The following CYP2C19 variants were observed in gnomAD, a reference collection of about 807,000 sequenced individuals.
CYP2C19 encodes the protein cytochrome P450 family 2 subfamily C member 19.
A neutral mutation model predicts 40.9 loss-of-function variants in CYP2C19; 59 were observed. The ratio of observed to expected loss-of-function variants is 1.44; its 90% CI spans 1.17 to 1.79. The LOEUF (loss-of-function observed/expected upper bound fraction) is 1.79, where lower values mean the gene tolerates loss of function less well. CYP2C19 is among the 40% of genes most tolerant of loss of function. The probability of loss-of-function intolerance (pLI) is 0.00; values close to 1 mark genes in which losing one functional copy is unlikely to be tolerated. For missense variants in CYP2C19, 754 were observed against 596.9 expected (o/e 1.26, Z -2.74); for synonymous variants, 253 against 208.7 (o/e 1.21, Z -1.83).
chr10:94,828,808 T>A (rs1849275736), intron 6 of CYP2C19, among the ~76,000 whole-genome samples: 1 of 152,162 alleles, frequency 6.6e-6, no homozygotes, highest in Non-Finnish European at 1.5e-5. Context: ...GTACCGGTTG[T>A]TCCTTTCCAT....
intron 6 of CYP2C19, among the ~76,000 whole-genome samples, chr10:94,824,412 A>T (rs936569414): frequency 1.3e-5 from 2 of 152,202 alleles, no homozygotes; most frequent in African/African-American, 4.8e-5. Context: ...TATTTTCAGA[A>T]GAAGCTGCTA....
At chr10:94,834,687 C>G (rs1266694332) in intron 6 of CYP2C19, among the ~76,000 whole-genome samples, 1 of 152,156 alleles carries the variant, frequency 6.6e-6, no homozygotes, top group Admixed American at 6.5e-5. Context: ...TTGTCCCTCC[C>G]ACTGTGCTTT....
intron 5 of CYP2C19, among the ~76,000 whole-genome samples, chr10:94,814,985 G>C (rs947670641): frequency 1.4e-5 from 2 of 138,586 alleles, no homozygotes; most frequent in African/African-American, 2.8e-5. Flanking sequence ...CTGTGAATCT[G>C]TTTCTGAGGG....
Position 94,820,599 on chromosome 10 carries a change from A to G in CYP2C19, c.923A>G (p.Tyr308Cys), listed in dbSNP as rs746722628. 8 of 1,614,202 alleles carry G rather than the reference A, an allele frequency of 5.0e-6. No homozygotes were observed. The highest frequency in any genetic ancestry group is 6.8e-6 in the Non-Finnish European group (8 of 1,180,040). The change falls in exon 6 of 9, where the codon TAT (tyrosine) becomes TGT (cysteine). Residue 308 changes from tyrosine to cysteine, a missense_variant. By Grantham distance (194) the Tyr-to-Cys change is radical. Coordinates refer to ENST00000371321, the MANE Select transcript of CYP2C19 (RefSeq NM_000769.4). ...GAGACAACAAGCACAACCCTGAGAT[A>G]TGCTCTCCTTCTCCTGCTGAAGCAC... ...GTETTSTTLR[Y>C]ALLLLLKHPE...
At chr10:94,848,216 A>T (rs572958564) in intron 7 of CYP2C19, among the ~76,000 whole-genome samples, 30 of 152,298 alleles carry the variant, frequency 2.0e-4, no homozygotes, top group Non-Finnish European at 3.7e-4. Context: ...TTTAGGTCTA[A>T]CATTTAAGTC....
At chr10:94,795,806 T>G (rs1321851607) in intron 5 of CYP2C19, among the ~76,000 whole-genome samples, 3 of 152,192 alleles carry the variant, frequency 2.0e-5, no homozygotes, top group African/African-American at 7.2e-5. Context: ...TGTCTTCTTT[T>G]GAGAAGTGTC....
In CYP2C19 at chr10:94,763,447, G is replaced by T. The variant is rs528461267; in HGVS notation, c.168+574G>T. Among the ~76,000 whole-genome samples, 76 of 152,182 alleles carry T rather than the reference G, an allele frequency of 5.0e-4. 1 individual carries two copies. In the South Asian group the frequency reaches 8.9e-3, roughly 18 times the overall value. On this transcript the variant is annotated intron_variant, in intron 1 of 8. Coordinates refer to ENST00000371321, the MANE Select transcript of CYP2C19 (RefSeq NM_000769.4). ...ATATAAACCCCAAAATGACCTTAGGGTTTAGTAATAGTAGAAAGAGGGTTA... is the reference window on the plus strand; with the variant it reads ...ATATAAACCCCAAAATGACCTTAGGTTTTAGTAATAGTAGAAAGAGGGTTA...
chr10:94,826,860 T>A (rs1252944973), intron 6 of CYP2C19, among the ~76,000 whole-genome samples: 1 of 152,174 alleles, frequency 6.6e-6, no homozygotes, highest in Non-Finnish European at 1.5e-5. Context: ...TGAGAGTTTT[T>A]AGCATGAAGG....
At chr10:94,793,321 G>A (rs1222336243) in intron 5 of CYP2C19, among the ~76,000 whole-genome samples, 2 of 152,084 alleles carry the variant, frequency 1.3e-5, no homozygotes, top group African/African-American at 2.4e-5. Flanking sequence ...GCTTGGAGAA[G>A]TTTGTTATTA....
chr10:94,778,913 C>T (rs1328154694), intron 3 of CYP2C19, among the ~76,000 whole-genome samples: 1 of 152,194 alleles, frequency 6.6e-6, no homozygotes, highest in Admixed American at 6.5e-5. Context: ...CACATATACA[C>T]TGTGGACTAC....
intron 5 of CYP2C19, among the ~76,000 whole-genome samples, chr10:94,802,776 C>T (rs1848784749): frequency 6.6e-6 from 1 of 152,050 alleles, no homozygotes; most frequent in African/African-American, 2.4e-5. Context: ...TAAGGCAGGC[C>T]TGGTGGTGAC....
rs115788154 is a variant in CYP2C19 at position 94,840,096 on chromosome 10, C to A, written c.962-2741C>A. 8.9e-3 allele frequency among the ~76,000 whole-genome samples: 1,347 copies of A among 152,124 alleles called. 21 individuals carry two copies. Among genetic ancestry groups the A allele is most frequent in the African/African-American group, 0.029 (1,223 of 41,498 alleles). The stretch of plus-strand genomic sequence containing the variant: ...TTAGTTAAGTAGTTGTTTCTACCGA[C>A]TGAATGCATTTGGCCCATCCGCGGG... On this transcript the variant is annotated intron_variant, in intron 6 of 8. Coordinates refer to ENST00000371321, the MANE Select transcript of CYP2C19 (RefSeq NM_000769.4).
chr10:94,781,312 T>C lies in CYP2C19; in HGVS notation c.643-509T>C, dbSNP rs1589349396. On this transcript the variant is annotated intron_variant, in intron 4 of 8. Coordinates refer to ENST00000371321, the MANE Select transcript of CYP2C19 (RefSeq NM_000769.4). ...TAATTGTATGATTTTACAGAAGTCA[T>C]TTAACTGCTCTGGTGCACAGTTGGA... is the stretch of plus-strand genomic sequence containing the variant. Among the ~76,000 whole-genome samples the C allele has an allele frequency of 2.6e-5, 4 of 152,162 alleles. No individual in the cohort carries two copies. In the East Asian group the frequency reaches 7.7e-4, roughly 29 times the overall value.
chr10:94,829,704 A>G (rs185680134), intron 6 of CYP2C19, among the ~76,000 whole-genome samples: 10,896 of 150,606 alleles, frequency 0.072, 459 homozygotes, highest in South Asian at 0.11. Flanking sequence ...GTGAGGAACT[A>G]CGTTCCTTTG....
chr10:94,793,363 G>A (rs974740221), intron 5 of CYP2C19, among the ~76,000 whole-genome samples: 15 of 152,120 alleles, frequency 9.9e-5, no homozygotes, highest in African/African-American at 2.2e-4. Context: ...CTCTCAACTC[G>A]TGAAAGTCAT....
At chr10:94,769,927 G>C (rs188660436) in intron 1 of CYP2C19, among the ~76,000 whole-genome samples, 1 of 152,242 alleles carries the variant, frequency 6.6e-6, no homozygotes, top group Admixed American at 6.5e-5. Context: ...CTTAATAAGG[G>C]TGTGGGACTT....
intron 6 of CYP2C19, among the ~76,000 whole-genome samples, chr10:94,821,028 A>C (rs1849112552): frequency 6.6e-6 from 1 of 152,186 alleles, no homozygotes; most frequent in African/African-American, 2.4e-5. Flanking sequence ...GGTTGCAGTG[A>C]GCCAAGATTG....
At chr10:94,848,092 T>A (rs1849599751) in intron 7 of CYP2C19, among the ~76,000 whole-genome samples, 1 of 152,232 alleles carries the variant, frequency 6.6e-6, no homozygotes, top group African/African-American at 2.4e-5. Flanking sequence ...TTAGATCCCA[T>A]TTGTCAATTT....
chr10:94,842,904 C>A lies in CYP2C19; in HGVS notation c.1029C>A (p.Gly343=), dbSNP rs1589376677. Residue 343 remains glycine, a synonymous_variant, in exon 7 of 9, where the codon GGC becomes GGA. Coordinates refer to ENST00000371321, the MANE Select transcript of CYP2C19 (RefSeq NM_000769.4). ...GGAGCCCCTGCATGCAGGACAGGGG[C>A]CACATGCCCTACACAGATGCTGTGG... ...RNRSPCMQDR[G]HMPYTDAVVH... 2.5e-6 allele frequency: 4 copies of A among 1,614,168 alleles called. No individual in the cohort carries two copies. Among genetic ancestry groups the A allele is most frequent in the Non-Finnish European group, 3.4e-6 (4 of 1,180,010 alleles).
Sources: gnomAD v4.1 joint callset for allele counts (sites outside exome capture counted in the v4.1 genomes callset) on GRCh38, gnomAD v4.1.1 for gene constraint, MANE v1.5 for transcripts, NCBI Gene and HGNC (gene_info 2026-07-23, HGNC 2026-07-21) for gene names.